VAV3: variants seen among roughly 807,000 people sequenced by gnomAD.
The protein encoded by VAV3 is guanine nucleotide exchange factor VAV3.
In VAV3, 94 loss-of-function variants were observed where a neutral mutation model predicts 131.2. The ratio of observed to expected loss-of-function variants is 0.72; its 90% CI spans 0.61 to 0.85. VAV3 has a LOEUF of 0.85. Ranked by LOEUF, VAV3 falls within the 40% of genes least tolerant of loss-of-function variation. VAV3 has a pLI of 0.00. For synonymous variants in VAV3, 349 were observed against 342.0 expected (o/e 1.02, Z -0.22); for missense variants, 939 against 1,002.7 (o/e 0.94, Z 0.86).
chr1:107,946,725 T>G (rs139738183), intron 1 of VAV3, among the ~76,000 whole-genome samples: 76 of 152,358 alleles, frequency 5.0e-4, no homozygotes, highest in Non-Finnish European at 8.8e-4. Context: ...AACTACATGC[T>G]ATTCCATTAT....
At chr1:107,690,983 G>A (rs1365212755) in intron 17 of VAV3, among the ~76,000 whole-genome samples, 2 of 152,124 alleles carry the variant, frequency 1.3e-5, no homozygotes, top group African/African-American at 2.4e-5. Context: ...GTAGGATTCT[G>A]TAAATTTTCT....
At chr1:107,852,650 G>GA in intron 2 of VAV3, among the ~76,000 whole-genome samples, 2 of 152,002 alleles carry the variant, frequency 1.3e-5, no homozygotes, top group Admixed American at 1.3e-4. Context: ...TTCTTCTATT[G>GA]AATGGTTGTT....
At chr1:107,659,292 A>T (rs1656827082) in intron 19 of VAV3, among the ~76,000 whole-genome samples, 1 of 152,160 alleles carries the variant, frequency 6.6e-6, no homozygotes, top group Admixed American at 6.5e-5. Context: ...AAAAAAAAGT[A>T]TAAAAGGCCT....
chr1:107,800,050 C>G (rs34716039), intron 2 of VAV3, among the ~76,000 whole-genome samples: 15,372 of 152,152 alleles, frequency 0.1, 900 homozygotes, highest in Non-Finnish European at 0.13. Flanking sequence ...GAATAATATT[C>G]CATTGTGTAC....
At chr1:107,597,014 G>A (rs6691069) in intron 24 of VAV3, among the ~76,000 whole-genome samples, 142,586 of 152,214 alleles carry the variant, frequency 0.94, 67,388 homozygotes, top group East Asian at 1. Context: ...AGAAAATTTC[G>A]CAGGTTGGTT....
chr1:107,914,135 TAC>T (rs1399273505), intron 1 of VAV3, among the ~76,000 whole-genome samples: 1 of 152,162 alleles, frequency 6.6e-6, no homozygotes, highest in Non-Finnish European at 1.5e-5. Flanking sequence ...TATACAAACA[TAC>T]AGAGATGATA....
chr1:107,738,800 G>A (rs1318455666), intron 15 of VAV3, among the ~76,000 whole-genome samples: 2 of 152,104 alleles, frequency 1.3e-5, no homozygotes, highest in Non-Finnish European at 2.9e-5. Context: ...TCATATACTT[G>A]GAGGAAACCA....
At chr1:107,932,066 T>G (rs1029117300) in intron 1 of VAV3, among the ~76,000 whole-genome samples, 1 of 152,230 alleles carries the variant, frequency 6.6e-6, no homozygotes, top group African/African-American at 2.4e-5. Flanking sequence ...CCTGGCACAC[T>G]GCACTGGGCA....
intron 19 of VAV3, among the ~76,000 whole-genome samples, chr1:107,649,222 T>G (rs1420880810): frequency 6.6e-6 from 1 of 152,080 alleles, no homozygotes; most frequent in East Asian, 1.9e-4. Context: ...TCTGCTCATC[T>G]GACTACACCC....
At chr1:107,852,740 T>C (rs1235057623) in intron 2 of VAV3, among the ~76,000 whole-genome samples, 2 of 152,182 alleles carry the variant, frequency 1.3e-5, no homozygotes, top group Non-Finnish European at 2.9e-5. Flanking sequence ...TGAATATTTA[T>C]TTTTATTAAT....
At position 107,784,618 on chromosome 1, in the gene VAV3, G is replaced by A. The variant is rs561249515; in HGVS notation, c.322-5126C>T. Among the ~76,000 whole-genome samples the A allele has an allele frequency of 7.9e-5, 12 of 152,292 alleles. No homozygotes were observed. In the East Asian group the frequency reaches 2.3e-3, roughly 29 times the overall value. On this transcript the variant is annotated intron_variant, in intron 2 of 26. Coordinates refer to ENST00000370056, the MANE Select transcript of VAV3 (RefSeq NM_006113.5). ...GTATATAAAAACATAAGCCGTGCCA[G>A]TGATCTGTTCATTGGTCTTTCAATC... is the stretch of plus-strand genomic sequence containing the variant.
intron 2 of VAV3, among the ~76,000 whole-genome samples, chr1:107,795,399 C>A (rs1035504620): frequency 1.3e-5 from 2 of 152,112 alleles, no homozygotes; most frequent in African/African-American, 4.8e-5. Context: ...ACAGAAAGAA[C>A]CAGGGTAGAT....
intron 2 of VAV3, among the ~76,000 whole-genome samples, chr1:107,805,728 T>C (rs1667028916): frequency 6.6e-6 from 1 of 152,198 alleles, no homozygotes; most frequent in African/African-American, 2.4e-5. Flanking sequence ...TGTGGATGCA[T>C]CTCCGTGTCT....
At chr1:107,574,758 T>C (rs1268275975) in intron 25 of VAV3, among the ~76,000 whole-genome samples, 1 of 152,222 alleles carries the variant, frequency 6.6e-6, no homozygotes, top group Non-Finnish European at 1.5e-5. Flanking sequence ...TTAAAACTAT[T>C]TGGGGATAAA....
chr1:107,852,190 T>C (rs1669261676), intron 2 of VAV3, among the ~76,000 whole-genome samples: 3 of 152,184 alleles, frequency 2.0e-5, no homozygotes, highest in Non-Finnish European at 4.4e-5. Flanking sequence ...AATGGGACTA[T>C]ATATTTTTCC....
At chr1:107,748,452 G>C (rs553220498) in intron 15 of VAV3, among the ~76,000 whole-genome samples, 3 of 152,100 alleles carry the variant, frequency 2.0e-5, no homozygotes, top group African/African-American at 7.2e-5. Context: ...GCCACTTAAA[G>C]AAATCAAGCC....
chr1:107,583,519 C>T (rs1650238688), intron 25 of VAV3, among the ~76,000 whole-genome samples: 2 of 152,272 alleles, frequency 1.3e-5, no homozygotes, highest in South Asian at 4.1e-4. Context: ...CCCACTGTCT[C>T]AGCCCAAAAT....
chr1:107,611,211 T>C lies in VAV3; in HGVS notation c.1981-1246A>G, dbSNP rs74109105. ...GTCAGTGCTTAAAAAGTTTGGACTT[T>C]AGAGCATTTCAGATGTCAGATTTTC... On this transcript the variant is annotated intron_variant, in intron 21 of 26. Transcript: ENST00000370056. 5.5e-3 allele frequency among the ~76,000 whole-genome samples: 837 copies of C among 152,332 alleles called. 7 individuals are homozygous for C. Among genetic ancestry groups the C allele is most frequent in the African/African-American group, 0.019 (791 of 41,582 alleles).
rs912666389 is a variant in VAV3, at chr1:107,578,921, C to T, written c.2351-4723G>A. 1.3e-5 allele frequency: 13 copies of T among 984,218 alleles called. No homozygotes were observed. In the South Asian group the frequency reaches 5.6e-4, roughly 43 times the overall value. 61.0% of individuals were successfully genotyped at this position (984,218 alleles called of 1,614,324 possible). On this transcript the variant is annotated intron_variant, in intron 25 of 26. Coordinates refer to ENST00000370056, the MANE Select transcript of VAV3 (RefSeq NM_006113.5). ...GAGAAATGATAAGCCAGTGAAAACA[C>T]AGTTAAATGCAAATTAAATAATTTC... is the stretch of plus-strand genomic sequence containing the variant.
Sources: gnomAD v4.1 joint callset for allele counts (sites outside exome capture counted in the v4.1 genomes callset) on GRCh38, gnomAD v4.1.1 for gene constraint, MANE v1.5 for transcripts, NCBI Gene and HGNC (gene_info 2026-07-23, HGNC 2026-07-21) for gene names.